Variants in POC1B observed in about 807,000 individuals in gnomAD.
POC1B encodes the protein POC1 centriolar protein homolog B.
A neutral mutation model predicts 60.6 loss-of-function variants in POC1B; 44 were observed. The observed-to-expected ratio is 0.73, with a 90% CI of 0.57 to 0.93. The LOEUF is 0.93. Ranked by LOEUF, POC1B falls within the 40% of genes least tolerant of loss-of-function variation. The probability of loss-of-function intolerance (pLI) is 0.00; values close to 1 mark genes in which losing one functional copy is unlikely to be tolerated. For synonymous variants in POC1B, 180 were observed against 198.9 expected (o/e 0.90, Z 0.80); for missense variants, 555 against 572.3 (o/e 0.97, Z 0.31).
intron 4 of POC1B, among the ~76,000 whole-genome samples, chr12:89,478,951 T>G (rs1434814789): frequency 6.6e-6 from 1 of 152,188 alleles, no homozygotes; most frequent in African/African-American, 2.4e-5. Context: ...ACGTGCATTG[T>G]TTTTAAAAAC....
intron 10 of POC1B, among the ~76,000 whole-genome samples, chr12:89,435,932 G>T (rs903871581): frequency 6.6e-6 from 1 of 150,570 alleles, no homozygotes; most frequent in East Asian, 1.9e-4. Context: ...TAAGCAGGAA[G>T]TTTTTTTCTT....
chr12:89,438,806 T>G (rs1881388472), intron 10 of POC1B, among the ~76,000 whole-genome samples: 1 of 152,236 alleles, frequency 6.6e-6, no homozygotes. Flanking sequence ...GAATACTCAC[T>G]TATTCTTCTT....
rs771374522 is a variant in POC1B, at chr12:89,421,236, G to A, written c.1354C>T (p.Arg452Ter). Residue 452 changes from arginine to a stop codon, truncating the protein, a stop_gained, in exon 12 of 12, where the codon CGA becomes TGA. Transcript: ENST00000313546. LOFTEE classifies it high-confidence loss of function. Reference sequence around the variant, plus strand: ...AGCTTATCCTCTGTCAAAGTCAGTCGCTGCTCCAAGATTGAAACAGTCTGC... The same window carrying A: ...AGCTTATCCTCTGTCAAAGTCAGTCACTGCTCCAAGATTGAAACAGTCTGC... ...LTQTVSILEQ[R>*]LTLTEDKLKD... 5.6e-6 allele frequency: 9 copies of A among 1,597,562 alleles called. No individual in the cohort carries two copies. In the East Asian group the frequency reaches 1.3e-4, roughly 24 times the overall value.
At chr12:89,492,143 A>C in intron 3 of POC1B, 28 bp from the exon 4 acceptor site, 1 of 1,461,050 alleles carries the variant, frequency 6.8e-7, no homozygotes. Flanking sequence ...AATATTTATA[A>C]CTCATTTGAT....
intron 10 of POC1B, among the ~76,000 whole-genome samples, chr12:89,439,317 T>C (rs1881414272): frequency 6.6e-6 from 1 of 152,138 alleles, no homozygotes; most frequent in South Asian, 2.1e-4. Context: ...GGTCCTAAAG[T>C]AACACAAGCT....
At chr12:89,443,831 G>C (rs1221593189) in intron 10 of POC1B, among the ~76,000 whole-genome samples, 1 of 152,062 alleles carries the variant, frequency 6.6e-6, no homozygotes, top group Non-Finnish European at 1.5e-5. Flanking sequence ...TTTTTGAAAA[G>C]ATCCACAAAA....
chr12:89,405,159 T>TA, the POC1B span, among the ~76,000 whole-genome samples: 3 of 152,070 alleles, frequency 2.0e-5, no homozygotes, highest in Non-Finnish European at 4.4e-5. Context: ...ACCAAACTTG[T>TA]AAAAAATGAA....
intron 2 of POC1B, chr12:89,524,651 C>T: frequency 7.9e-7 from 1 of 1,260,310 alleles, no homozygotes; most frequent in Non-Finnish European, 1.1e-6. Flanking sequence ...CCAGCAGGTT[C>T]TTCCTTTCAT....
chr12:89,523,780 T>A (rs1300460616), intron 2 of POC1B: 1 of 1,537,246 alleles, frequency 6.5e-7, no homozygotes, highest in African/African-American at 1.4e-5. Context: ...ATCAATTGTG[T>A]CTATAACAGG....
At chr12:89,450,457 C>T (rs1046914765) in intron 10 of POC1B, among the ~76,000 whole-genome samples, 5 of 152,144 alleles carry the variant, frequency 3.3e-5, no homozygotes, top group South Asian at 2.1e-4. Context: ...TTGCCTGCCT[C>T]GGCCTCCCAA....
chr12:89,402,515 C>G, the POC1B span, among the ~76,000 whole-genome samples: 795 of 152,198 alleles, frequency 5.2e-3, 3 homozygotes, highest in Non-Finnish European at 7.7e-3. Flanking sequence ...GCTCCTCTCC[C>G]TCCTCCCACC....
At chr12:89,423,988 A>G (rs1408025351) in intron 11 of POC1B, among the ~76,000 whole-genome samples, 1 of 152,234 alleles carries the variant, frequency 6.6e-6, no homozygotes, top group Non-Finnish European at 1.5e-5. Context: ...TGAAGGGAAG[A>G]GGGCAATGGC....
intron 11 of POC1B, among the ~76,000 whole-genome samples, chr12:89,422,339 G>A (rs1257674406): frequency 6.6e-6 from 1 of 152,130 alleles, no homozygotes; most frequent in African/African-American, 2.4e-5. Context: ...TCTTTCGCAT[G>A]TCAAGAATTA....
Position 89,470,063 on chromosome 12 carries a change from G to A in POC1B, c.810+298C>T, listed in dbSNP as rs1371814345. Among the ~76,000 whole-genome samples the A allele has an allele frequency of 4.0e-5, 6 of 151,870 alleles. No homozygotes were observed. The East Asian group carries it at 9.7e-4, about 25-fold the overall frequency. On this transcript the variant is annotated intron_variant, in intron 7 of 11. Transcript: ENST00000313546. ...ATTTTTTGTATTTTAGTAGAAATGG[G>A]GTTTCATCATGTTGGCCAAGATGGT...
At chr12:89,466,743 T>C (rs762539667) in intron 9 of POC1B, 27 bp downstream of exon 9, 68 of 1,580,628 alleles carry the variant, frequency 4.3e-5, no homozygotes, top group Non-Finnish European at 5.3e-5. Context: ...ACACAAAATG[T>C]AGGACAAATA....
intron 4 of POC1B, among the ~76,000 whole-genome samples, chr12:89,479,857 A>G (rs1283349817): frequency 6.6e-6 from 1 of 152,268 alleles, no homozygotes; most frequent in Non-Finnish European, 1.5e-5. Context: ...CATTTGGATT[A>G]TTTTAAATAT....
At chr12:89,441,746 G>A (rs896736094) in intron 10 of POC1B, among the ~76,000 whole-genome samples, 2 of 152,206 alleles carry the variant, frequency 1.3e-5, no homozygotes, top group African/African-American at 2.4e-5. Context: ...CGCCAGCAAC[G>A]GAACAAAGCT....
At chr12:89,486,104 T>C (rs894635205) in intron 4 of POC1B, among the ~76,000 whole-genome samples, 1 of 152,198 alleles carries the variant, frequency 6.6e-6, no homozygotes, top group Admixed American at 6.5e-5. Flanking sequence ...TTATCACTAA[T>C]ATATTTGCTG....
At chr12:89,523,245 T>A in intron 2 of POC1B, 1 of 1,614,034 alleles carries the variant, frequency 6.2e-7, no homozygotes, top group Non-Finnish European at 8.5e-7. Context: ...CTGGAACATG[T>A]AAATTAGGAA....
Sources: allele counts gnomAD v4.1 joint callset (sites outside exome capture counted in the v4.1 genomes callset), GRCh38; gene constraint gnomAD v4.1.1; transcripts MANE v1.5; gene names NCBI Gene and HGNC (gene_info 2026-07-23, HGNC 2026-07-21).